The following RBMS1 variants were observed in gnomAD, a reference collection of about 807,000 sequenced individuals.
RBMS1 encodes the protein RNA binding motif single stranded interacting protein 1, also known as RNA-binding motif, single-stranded-interacting protein 1.
A neutral mutation model predicts 62.3 loss-of-function variants in RBMS1; 17 were observed. The ratio of observed to expected loss-of-function variants is 0.27; its 90% CI spans 0.19 to 0.41. The LOEUF is 0.41. Among genes scored for constraint, RBMS1 ranks in the 10% least tolerant of loss-of-function variants. The pLI is 1.00. For missense variants in RBMS1, 334 were observed against 504.5 expected (o/e 0.66, Z 3.24); for synonymous variants, 172 against 170.0 (o/e 1.01, Z -0.09).
Position 160,278,541 on chromosome 2 carries a change from C to T in RBMS1, c.1062+7G>A, listed in dbSNP as rs1687949434. The T allele has an allele frequency of 6.2e-7, 1 of 1,606,064 alleles. No individual in the cohort carries two copies. Among genetic ancestry groups the T allele is most frequent in the Non-Finnish European group, 8.5e-7 (1 of 1,173,632 alleles). On this transcript the variant is annotated splice_region_variant and intron_variant, in intron 11 of 13. Coordinates refer to ENST00000348849, the MANE Select transcript of RBMS1 (RefSeq NM_016836.4). ...ACAGAGACACATGATAATTATTTGC[C>T]ACCTACTGTTCCGGTGCTGCCTAGT...
intron 2 of RBMS1, among the ~76,000 whole-genome samples, chr2:160,323,434 T>C (rs564222144): frequency 3.3e-5 from 5 of 151,664 alleles, no homozygotes; most frequent in Admixed American, 6.6e-5. Context: ...CAGGACTGCG[T>C]CACTGCACTC....
chr2:160,390,891 C>CAAA (rs71003493), intron 1 of RBMS1, among the ~76,000 whole-genome samples: 2 of 147,248 alleles, frequency 1.4e-5, no homozygotes, highest in Non-Finnish European at 1.5e-5. Flanking sequence ...AAACAACCAC[C>CAAA]AAAAAAAAAA....
chr2:160,311,880 T>C (rs781048844), intron 4 of RBMS1, among the ~76,000 whole-genome samples: 6 of 152,226 alleles, frequency 3.9e-5, no homozygotes, highest in African/African-American at 1.4e-4. Context: ...GTAGGTATTA[T>C]GATGTAATGC....
At chr2:160,332,741 A>G (rs897350174) in intron 2 of RBMS1, among the ~76,000 whole-genome samples, 9 of 152,114 alleles carry the variant, frequency 5.9e-5, no homozygotes, top group Non-Finnish European at 8.8e-5. Flanking sequence ...GAATCCTCCA[A>G]GGGGAGCTGA....
At chr2:160,458,307 C>T (rs1050254673) in intron 1 of RBMS1, among the ~76,000 whole-genome samples, 6 of 152,242 alleles carry the variant, frequency 3.9e-5, no homozygotes, top group South Asian at 2.1e-4. Flanking sequence ...AAACTTGCCA[C>T]GGAAACTATT....
chr2:160,276,752 T>C (rs1402754890), intron 12 of RBMS1: 1 of 152,232 alleles, frequency 6.6e-6, no homozygotes. Flanking sequence ...TTCGTCATTA[T>C]TAATTATCAT....
chr2:160,441,761 A>T (rs529594066), intron 1 of RBMS1, among the ~76,000 whole-genome samples: 51 of 152,338 alleles, frequency 3.3e-4, no homozygotes, highest in Middle Eastern at 3.4e-3. Context: ...ACATAGTTAG[A>T]CCACTTTACA....
At chr2:160,302,912 G>C (rs1689292376) in intron 5 of RBMS1, 1 of 155,406 alleles carries the variant, frequency 6.4e-6, no homozygotes, top group Non-Finnish European at 1.4e-5. Flanking sequence ...TTTTCTGAAT[G>C]TTTTACATAT....
At chr2:160,333,920 G>A (rs1479359462) in intron 2 of RBMS1, among the ~76,000 whole-genome samples, 1 of 151,650 alleles carries the variant, frequency 6.6e-6, no homozygotes, top group Non-Finnish European at 1.5e-5. Flanking sequence ...ATGAACTCTA[G>A]TGAACTTAAA....
intron 2 of RBMS1, among the ~76,000 whole-genome samples, chr2:160,341,265 G>A (rs562392781): frequency 6.6e-6 from 1 of 152,180 alleles, no homozygotes; most frequent in Admixed American, 6.5e-5. Flanking sequence ...CATTATTTCT[G>A]AGTATTTATA....
rs190103130 is a variant in RBMS1, at chr2:160,296,365, C to G, written c.640+4286G>C. Reference sequence around the variant, plus strand: ...CAGATACAGTCACAGATGCAGTGTGCTCTCAGGTTTTAGTATTACAAGATC... The same window carrying G: ...CAGATACAGTCACAGATGCAGTGTGGTCTCAGGTTTTAGTATTACAAGATC... On this transcript the variant is annotated intron_variant, in intron 6 of 13. Coordinates refer to ENST00000348849, the MANE Select transcript of RBMS1 (RefSeq NM_016836.4). Among the ~76,000 whole-genome samples the G allele has an allele frequency of 2.4e-4, 36 of 152,262 alleles. No homozygotes were observed. In the East Asian group the frequency reaches 6.2e-3, roughly 26 times the overall value.
chr2:160,429,041 T>A (rs1391670523), intron 1 of RBMS1, among the ~76,000 whole-genome samples: 1 of 152,238 alleles, frequency 6.6e-6, no homozygotes, highest in Admixed American at 6.5e-5. Context: ...ATGTAAAGAT[T>A]GTTTCAATTA....
At position 160,273,298 on chromosome 2, in the gene RBMS1, T is replaced by A. The variant is rs1050916123; in HGVS notation, c.*1474A>T. On this transcript the variant is annotated 3_prime_UTR_variant, in exon 14 of 14. Coordinates refer to ENST00000348849, the MANE Select transcript of RBMS1 (RefSeq NM_016836.4). ...CTTCATGCTTTTTTGTTTGTGTGTG[T>A]CCATACATCAATTAAAATTATAAAA... The A allele has an allele frequency of 6.6e-6, 1 of 152,202 alleles. No individual in the cohort carries two copies. Among genetic ancestry groups the A allele is most frequent in the Non-Finnish European group, 1.5e-5 (1 of 68,044 alleles). 9.4% of individuals were successfully genotyped at this position (152,202 alleles called of 1,614,324 possible).
rs1687711771 is a variant in RBMS1 at position 160,274,241 on chromosome 2, A to G, written c.*531T>C. 1.3e-5 allele frequency: 2 copies of G among 152,622 alleles called. No homozygotes were observed. Among genetic ancestry groups the G allele is most frequent in the South Asian group, 2.1e-4 (1 of 4,832 alleles). 9.5% of individuals were successfully genotyped at this position (152,622 alleles called of 1,614,324 possible). A position where few individuals can be genotyped will look rare whatever the true frequency, so the allele number is the denominator to read the frequency against. Reference sequence around the variant, plus strand: ...AAGACAGAAAGCTAAGAAAAGAGACACTGACGGCAACACTGAATTACAGCA... The same window carrying G: ...AAGACAGAAAGCTAAGAAAAGAGACGCTGACGGCAACACTGAATTACAGCA... On this transcript the variant is annotated 3_prime_UTR_variant, in exon 14 of 14. Transcript: ENST00000348849.
intron 1 of RBMS1, among the ~76,000 whole-genome samples, chr2:160,406,140 A>G (rs1695691735): frequency 6.6e-6 from 1 of 152,234 alleles, no homozygotes; most frequent in Admixed American, 6.5e-5. Flanking sequence ...AACCCAGGTA[A>G]AAGTTCCATG....
intron 7 of RBMS1, among the ~76,000 whole-genome samples, chr2:160,285,825 A>C (rs1688355163): frequency 6.6e-6 from 1 of 151,968 alleles, no homozygotes; most frequent in Admixed American, 6.5e-5. Flanking sequence ...AATTTTAAAA[A>C]ATTAGGCCGA....
At chr2:160,484,558 C>A (rs2105361855) in intron 1 of RBMS1, among the ~76,000 whole-genome samples, 1 of 150,080 alleles carries the variant, frequency 6.7e-6, no homozygotes, top group East Asian at 2.1e-4. Flanking sequence ...GGTCTAGGGT[C>A]TGGGGATTCC....
At chr2:160,439,002 T>C (rs1251933221) in intron 1 of RBMS1, among the ~76,000 whole-genome samples, 1 of 139,516 alleles carries the variant, frequency 7.2e-6, no homozygotes, top group Non-Finnish European at 1.6e-5. Flanking sequence ...ACGGGGCGGC[T>C]GGCCAGGCGG....
In RBMS1 at chr2:160,318,165, A is replaced by G. The variant is rs965346124; in HGVS notation, c.310+4T>C. 1 of 1,598,776 alleles carries G rather than the reference A, an allele frequency of 6.3e-7. No homozygotes were observed. Among genetic ancestry groups the G allele is most frequent in the African/African-American group, 1.4e-5 (1 of 73,920 alleles). On this transcript the variant is annotated splice_donor_region_variant and intron_variant, in intron 3 of 13. Coordinates refer to ENST00000348849, the MANE Select transcript of RBMS1 (RefSeq NM_016836.4). ...TTACCAAATAACCAGCCAAGAAAAC[A>G]TACCTTTGCATTTGTTCGTTGTCTT...
Sources: gnomAD v4.1 joint callset for allele counts (sites outside exome capture counted in the v4.1 genomes callset) on GRCh38, gnomAD v4.1.1 for gene constraint, MANE v1.5 for transcripts, NCBI Gene and HGNC (gene_info 2026-07-23, HGNC 2026-07-21) for gene names.